The following ARHGEF4 variants were observed in gnomAD, a reference collection of about 807,000 sequenced individuals.
ARHGEF4 encodes the protein APC-stimulated guanine nucleotide exchange factor 1.
ARHGEF4 carries 119 observed loss-of-function variants against 162.0 expected under a neutral mutation model. The observed-to-expected ratio is 0.73, with a 90% confidence interval of 0.63 to 0.86. The LOEUF (loss-of-function observed/expected upper bound fraction) is 0.86, where lower values mean the gene tolerates loss of function less well. ARHGEF4 is among the 40% of genes least tolerant of loss of function. ARHGEF4 has a pLI of 0.00. For synonymous variants in ARHGEF4, 1,014 were observed against 979.9 expected (o/e 1.03, Z -0.65); for missense variants, 2,488 against 2,456.0 (o/e 1.01, Z -0.28).
At chr2:131,019,354 G>A (rs111292300) in intron 4 of ARHGEF4, among the ~76,000 whole-genome samples, 9,320 of 152,036 alleles carry the variant, frequency 0.061, 973 homozygotes, top group African/African-American at 0.21. Flanking sequence ...GGAGGTTGCC[G>A]TGAGCTGAGA....
chr2:130,853,219 G>A (rs1398983630), intron 1 of ARHGEF4, among the ~76,000 whole-genome samples: 1 of 152,200 alleles, frequency 6.6e-6, no homozygotes, highest in Admixed American at 6.5e-5. Context: ...GTGCGGGTTA[G>A]CTACTGTGCA....
intron 12 of ARHGEF4, among the ~76,000 whole-genome samples, chr2:131,045,048 C>G (rs1214185392): frequency 6.6e-6 from 1 of 152,178 alleles, no homozygotes; most frequent in Non-Finnish European, 1.5e-5. Context: ...ACCAGGTCGG[C>G]TCTTGGTCTG....
At chr2:130,866,236 ATAGC>A (rs1006672176) in intron 1 of ARHGEF4, among the ~76,000 whole-genome samples, 3 of 152,096 alleles carry the variant, frequency 2.0e-5, no homozygotes, top group Non-Finnish European at 4.4e-5. Context: ...TTTTAATAAA[ATAGC>A]TAGGTGTGGT....
At chr2:130,838,624 AGAAGGAAG>A (rs534620505) in intron 1 of ARHGEF4, among the ~76,000 whole-genome samples, 1 of 151,902 alleles carries the variant, frequency 6.6e-6, no homozygotes, top group Non-Finnish European at 1.5e-5. Flanking sequence ...GAAAAAGAAA[AGAAGGAAG>A]GAAGGAAGGA....
chr2:130,906,442 G>T (rs1425159411), intron 1 of ARHGEF4, among the ~76,000 whole-genome samples: 26 of 152,222 alleles, frequency 1.7e-4, no homozygotes, highest in Admixed American at 1.7e-3. Flanking sequence ...ATATAAAAAT[G>T]TACGTACTTT....
intron 2 of ARHGEF4, among the ~76,000 whole-genome samples, chr2:130,927,506 G>A (rs1682366825): frequency 6.6e-6 from 1 of 152,216 alleles, no homozygotes; most frequent in African/African-American, 2.4e-5. Flanking sequence ...GTGTGAGGGA[G>A]ACAGGGGTGT....
At chr2:130,839,189 A>G (rs1680426934) in intron 1 of ARHGEF4, among the ~76,000 whole-genome samples, 1 of 152,076 alleles carries the variant, frequency 6.6e-6, no homozygotes, top group Non-Finnish European at 1.5e-5. Flanking sequence ...CGTAGTTCAT[A>G]CTTGTTCCTC....
In ARHGEF4 at chr2:130,836,915, T is replaced by C. The variant is rs1680232658; in HGVS notation, c.-39T>C. 6 of 1,218,746 alleles carry C rather than the reference T, an allele frequency of 4.9e-6. No individual in the cohort carries two copies. Among genetic ancestry groups the C allele is most frequent in the East Asian group, 3.3e-5 (1 of 30,698 alleles). 75.5% of individuals were successfully genotyped at this position (1,218,746 alleles called of 1,614,324 possible). On this transcript the variant is annotated 5_prime_UTR_variant, in exon 1 of 14. Coordinates refer to ENST00000409359, the MANE Select transcript of ARHGEF4 (RefSeq NM_001367493.1). ...GGAGCCGGCTCGGCGGCGCGGCTCG[T>C]AGTGCTGCGGCCGGGCTCCGGGCGT...
At chr2:131,034,944 G>C in intron 5 of ARHGEF4, 5 of 979,604 alleles carry the variant, frequency 5.1e-6, no homozygotes, top group Non-Finnish European at 6.1e-6. Flanking sequence ...TGGGGCCTGG[G>C]AGGCGCCGCG....
At chr2:131,035,288 G>A (rs1690176247) in intron 5 of ARHGEF4, 2 of 1,208,576 alleles carry the variant, frequency 1.7e-6, no homozygotes, top group Non-Finnish European at 2.1e-6. Context: ...GCCGCGCCGG[G>A]GTGAGTGGCG....
intron 1 of ARHGEF4, among the ~76,000 whole-genome samples, chr2:130,906,787 T>C (rs1680838174): frequency 6.6e-6 from 1 of 152,218 alleles, no homozygotes; most frequent in Non-Finnish European, 1.5e-5. Context: ...TTCCTACCCC[T>C]GTCAGCATGG....
At chr2:130,979,597 T>A (rs115815445) in intron 4 of ARHGEF4, among the ~76,000 whole-genome samples, 1,707 of 151,854 alleles carry the variant, frequency 0.011, 32 homozygotes, top group African/African-American at 0.04. Flanking sequence ...TTAGATGGGC[T>A]TGGTAGCGGG....
rs145524032 is a variant in ARHGEF4 at position 130,978,271 on chromosome 2, C to T, written c.3985+31636C>T. Reference sequence around the variant, plus strand: ...GCTGCTTCATGCTGAGGAGGGGTGTCGTGGGCAGCTCCATACCATGGCTGA... The same window carrying T: ...GCTGCTTCATGCTGAGGAGGGGTGTTGTGGGCAGCTCCATACCATGGCTGA... On this transcript the variant is annotated intron_variant, in intron 4 of 13. Coordinates refer to ENST00000409359, the MANE Select transcript of ARHGEF4 (RefSeq NM_001367493.1). Among the ~76,000 whole-genome samples the T allele has an allele frequency of 1.6e-4, 24 of 152,260 alleles. No individual in the cohort carries two copies. The East Asian group carries it at 2.7e-3, about 17-fold the overall frequency.
At chr2:130,850,319 G>T (rs916238026) in intron 1 of ARHGEF4, among the ~76,000 whole-genome samples, 4 of 152,188 alleles carry the variant, frequency 2.6e-5, no homozygotes, top group Admixed American at 1.3e-4. Flanking sequence ...ATATGGAGAG[G>T]TCTCCTCTCA....
chr2:130,965,388 C>T (rs1260395908), intron 4 of ARHGEF4, among the ~76,000 whole-genome samples: 2 of 152,250 alleles, frequency 1.3e-5, no homozygotes, highest in African/African-American at 4.8e-5. Flanking sequence ...TCTGCCCGTT[C>T]CCAAAACACA....
At chr2:131,038,819 C>G (rs985323867) in intron 5 of ARHGEF4, 34 bp from the exon 6 acceptor site, 1 of 1,576,746 alleles carries the variant, frequency 6.3e-7, no homozygotes, top group Admixed American at 1.7e-5. Flanking sequence ...GCAGCCTCCC[C>G]CACTGACCCG....
intron 1 of ARHGEF4, among the ~76,000 whole-genome samples, chr2:130,875,992 C>T (rs1028865872): frequency 1.3e-5 from 2 of 152,198 alleles, no homozygotes; most frequent in Admixed American, 6.5e-5. Context: ...CCCATCACGC[C>T]GCTTCACTGC....
intron 4 of ARHGEF4, chr2:131,011,672 T>C: frequency 1.3e-6 from 2 of 1,534,530 alleles, no homozygotes; most frequent in Non-Finnish European, 1.7e-6. Flanking sequence ...TCGGAGCTGA[T>C]GGGGGTGGGG....
chr2:130,975,361 G>A (rs1353977275), intron 4 of ARHGEF4, among the ~76,000 whole-genome samples: 2 of 152,158 alleles, frequency 1.3e-5, no homozygotes, highest in Non-Finnish European at 2.9e-5. Context: ...CTGAGAGCAT[G>A]CTCTTCAGAT....
Sources: gnomAD v4.1 joint callset for allele counts (sites outside exome capture counted in the v4.1 genomes callset) on GRCh38, gnomAD v4.1.1 for gene constraint, MANE v1.5 for transcripts, NCBI Gene and HGNC (gene_info 2026-07-23, HGNC 2026-07-21) for gene names.